RAB3C: variants seen among roughly 807,000 people sequenced by gnomAD.
RAB3C encodes RAB3C, member RAS oncogene family, also known as ras-related protein Rab-3C.
A neutral mutation model predicts 26.4 loss-of-function variants in RAB3C; 17 were observed. The ratio of observed to expected loss-of-function variants is 0.64; its 90% confidence interval spans 0.44 to 0.97. The LOEUF (loss-of-function observed/expected upper bound fraction) is 0.97. RAB3C is among the 50% of genes least tolerant of loss of function. RAB3C has a pLI of 0.00. For synonymous variants in RAB3C, 91 were observed against 95.9 expected, an observed-to-expected ratio of 0.95 and a Z score of 0.30; for missense variants, 242 against 281.9, an observed-to-expected ratio of 0.86 and a Z score of 1.01.
At chr5:58,827,021 A>G (rs1743496736) in intron 4 of RAB3C, among the ~76,000 whole-genome samples, 1 of 152,234 alleles carries the variant, frequency 6.6e-6, no homozygotes, top group South Asian at 2.1e-4. Context: ...AGAGCCACCC[A>G]GGAGAAAGTT....
intron 2 of RAB3C, among the ~76,000 whole-genome samples, chr5:58,703,368 G>T (rs1450956788): frequency 6.6e-6 from 1 of 152,054 alleles, no homozygotes; most frequent in Non-Finnish European, 1.5e-5. Flanking sequence ...TTTTTGTAGA[G>T]ATGGGGTTTC....
rs968312311 is a variant in RAB3C at position 58,839,141 on chromosome 5, A to ATT, written c.497-12015_497-12014dup. Among the ~76,000 whole-genome samples the ATT allele has an allele frequency of 2.0e-5, 3 of 150,098 alleles. No individual in the cohort carries two copies. In the East Asian group the frequency reaches 5.9e-4, roughly 29 times the overall value. ...GTAGGTAGCATATAATTGGGCCTTGATTTTTTTTTAATCTATTCAGCCTGT... is the reference window on the plus strand; with the variant it reads ...GTAGGTAGCATATAATTGGGCCTTGATTTTTTTTTTTAATCTATTCAGCCTGT... On this transcript the variant is annotated intron_variant, in intron 4 of 4. Transcript: ENST00000282878.
intron 2 of RAB3C, among the ~76,000 whole-genome samples, chr5:58,685,902 C>T (rs1748436085): frequency 6.6e-6 from 1 of 152,068 alleles, no homozygotes; most frequent in South Asian, 2.1e-4. Context: ...TTCAATATGG[C>T]AGTAGCATAG....
chr5:58,769,404 A>T (rs1741980252), intron 3 of RAB3C, among the ~76,000 whole-genome samples: 1 of 152,074 alleles, frequency 6.6e-6, no homozygotes, highest in African/African-American at 2.4e-5. Context: ...CTTAGCATAG[A>T]CTTGGGTAAT....
chr5:58,675,668 G>A (rs548608951), intron 2 of RAB3C, among the ~76,000 whole-genome samples: 95 of 136,652 alleles, frequency 7.0e-4, no homozygotes, highest in African/African-American at 2.6e-3. Flanking sequence ...CTAAAGGAAA[G>A]TCTCTCAAAA....
At chr5:58,796,472 AACCTGACAGATAG>A in intron 3 of RAB3C, among the ~76,000 whole-genome samples, 1 of 152,190 alleles carries the variant, frequency 6.6e-6, no homozygotes, top group African/African-American at 2.4e-5. Context: ...TTTAATACAG[AACCTGACAGATAG>A]AAGGTATATC....
chr5:58,713,095 A>T (rs1398220839), intron 2 of RAB3C, among the ~76,000 whole-genome samples: 4 of 152,202 alleles, frequency 2.6e-5, no homozygotes, highest in African/African-American at 9.6e-5. Context: ...TTTGGACTTT[A>T]TTCTATGGCC....
intron 3 of RAB3C, among the ~76,000 whole-genome samples, chr5:58,802,379 T>C (rs1420130129): frequency 6.6e-6 from 1 of 152,146 alleles, no homozygotes; most frequent in African/African-American, 2.4e-5. Context: ...GAAAATGCAT[T>C]TATAGTGCAG....
chr5:58,762,946 C>A (rs373841409), intron 3 of RAB3C, among the ~76,000 whole-genome samples: 1 of 152,178 alleles, frequency 6.6e-6, no homozygotes, highest in East Asian at 1.9e-4. Flanking sequence ...TATGAGAGAA[C>A]TAGGTAGCTG....
chr5:58,817,399 A>T (rs1403876087), intron 3 of RAB3C, among the ~76,000 whole-genome samples: 3 of 152,170 alleles, frequency 2.0e-5, no homozygotes, highest in African/African-American at 7.2e-5. Context: ...TGTGTTATTT[A>T]TAAATGAATT....
chr5:58,615,737 C>G (rs144649359), intron 1 of RAB3C, among the ~76,000 whole-genome samples: 23 of 152,112 alleles, frequency 1.5e-4, no homozygotes, highest in Non-Finnish European at 2.8e-4. Flanking sequence ...ATTTGTGTGG[C>G]TGTATAGACT....
At chr5:58,770,293 A>G (rs1742005795) in intron 3 of RAB3C, among the ~76,000 whole-genome samples, 1 of 152,168 alleles carries the variant, frequency 6.6e-6, no homozygotes, top group South Asian at 2.1e-4. Flanking sequence ...TGATATTGGC[A>G]GAGAAACTGA....
intron 2 of RAB3C, among the ~76,000 whole-genome samples, chr5:58,712,850 T>C (rs552646049): frequency 6.6e-6 from 1 of 152,130 alleles, no homozygotes; most frequent in South Asian, 2.1e-4. Context: ...TTTATTTTTA[T>C]TTTTGAAGAT....
intron 2 of RAB3C, among the ~76,000 whole-genome samples, chr5:58,637,254 A>G (rs1014911343): frequency 6.6e-6 from 1 of 152,144 alleles, no homozygotes; most frequent in Non-Finnish European, 1.5e-5. Flanking sequence ...AAGAAAATCA[A>G]ACAAAACAAG....
chr5:58,605,770 C>T (rs1197906702), intron 1 of RAB3C, among the ~76,000 whole-genome samples: 1 of 152,064 alleles, frequency 6.6e-6, no homozygotes, highest in Non-Finnish European at 1.5e-5. Context: ...TGTTGGTGGG[C>T]ACCAAGCGCT....
intron 4 of RAB3C, among the ~76,000 whole-genome samples, chr5:58,841,370 G>A (rs1358418869): frequency 6.6e-6 from 1 of 152,184 alleles, no homozygotes; most frequent in Non-Finnish European, 1.5e-5. Context: ...CTGGGCCCAG[G>A]CTCTGCACAG....
intron 2 of RAB3C, among the ~76,000 whole-genome samples, chr5:58,695,002 G>GC (rs1311295889): frequency 6.6e-6 from 1 of 152,064 alleles, no homozygotes; most frequent in Non-Finnish European, 1.5e-5. Context: ...TGAAGTCTTT[G>GC]CCCATGTTTA....
intron 1 of RAB3C, among the ~76,000 whole-genome samples, chr5:58,594,645 G>T (rs766530810): frequency 8.6e-5 from 13 of 152,030 alleles, no homozygotes; most frequent in Non-Finnish European, 1.5e-4. Context: ...CAAGGTGCTT[G>T]TTCCTATACA....
intron 2 of RAB3C, among the ~76,000 whole-genome samples, chr5:58,653,147 C>T (rs1027093423): frequency 6.6e-6 from 1 of 152,016 alleles, no homozygotes; most frequent in African/African-American, 2.4e-5. Flanking sequence ...CTGACAGGCC[C>T]CAGTGTGTGA....
Sources: allele counts gnomAD v4.1 joint callset (sites outside exome capture counted in the v4.1 genomes callset), GRCh38; gene constraint gnomAD v4.1.1; transcripts MANE v1.5; gene names NCBI Gene and HGNC (gene_info 2026-07-23, HGNC 2026-07-21).